The following LRP1B variants were observed in gnomAD, a reference collection of about 807,000 sequenced individuals.
The protein encoded by LRP1B is low-density lipoprotein receptor-related protein 1B.
A neutral mutation model predicts 556.6 loss-of-function variants in LRP1B; 217 were observed. The observed-to-expected ratio is 0.39, with a 90% CI of 0.35 to 0.44. The LOEUF is 0.44. Ranked by LOEUF, LRP1B falls within the 20% of genes least tolerant of loss-of-function variation. The probability of loss-of-function intolerance (pLI) is 1.00; values close to 1 mark genes in which losing one functional copy is unlikely to be tolerated. For missense variants in LRP1B, 5,053 were observed against 5,620.8 expected, an observed-to-expected ratio of 0.90 and a Z score of 3.23; for synonymous variants, 2,047 against 1,865.8, an observed-to-expected ratio of 1.10 and a Z score of -2.50.
intron 41 of LRP1B, among the ~76,000 whole-genome samples, chr2:140,642,885 A>G (rs1382600258): frequency 6.6e-6 from 1 of 152,116 alleles, no homozygotes; most frequent in African/African-American, 2.4e-5. Context: ...AAAATGGACT[A>G]AGAATATTTC....
At chr2:140,960,567 A>G (rs1696004726) in intron 18 of LRP1B, among the ~76,000 whole-genome samples, 1 of 151,886 alleles carries the variant, frequency 6.6e-6, no homozygotes, top group African/African-American at 2.4e-5. Context: ...CGTTAAAAAA[A>G]GAAGCATGCA....
chr2:141,059,882 C>T (rs1699289944), intron 8 of LRP1B, among the ~76,000 whole-genome samples: 1 of 151,738 alleles, frequency 6.6e-6, no homozygotes, highest in Non-Finnish European at 1.5e-5. Flanking sequence ...TTGCCTTTGG[C>T]TACTCATTTA....
At chr2:142,079,275 T>C (rs1421289239) in intron 1 of LRP1B, among the ~76,000 whole-genome samples, 3 of 152,104 alleles carry the variant, frequency 2.0e-5, no homozygotes, top group Non-Finnish European at 4.4e-5. Flanking sequence ...TAATTATTTG[T>C]TTGTGTGTTG....
rs753670299 is a variant in LRP1B at position 140,234,799 on chromosome 2, G to A, written c.13646C>T (p.Pro4549Leu). The A allele has an allele frequency of 1.3e-6, 1 of 774,830 alleles. No homozygotes were observed. Among genetic ancestry groups the A allele is most frequent in the Admixed American group, 1.7e-5 (1 of 58,566 alleles). 48.0% of individuals were successfully genotyped at this position (774,830 alleles called of 1,614,324 possible). The change falls in exon 90 of 91, where the codon CCA (proline) becomes CTA (leucine). Residue 4549 changes from proline to leucine, a missense_variant. Around this residue, in one of 5 missense-constraint regions of LRP1B, gnomAD observed 551 missense variants for 592.0 expected, o/e 0.93. Transcript: ENST00000389484. The stretch of plus-strand genomic sequence containing the variant: ...TTCTTCTCTCACCCCAGCAGTTAGT[G>A]GTCCTTTCAAATCAGAGTTTAGGTA... ...PIYLNSDLKG[P>L]LTAGPTNYSN... is the part of the protein sequence containing the mutation.
At chr2:142,064,428 A>G (rs1705028873) in intron 1 of LRP1B, among the ~76,000 whole-genome samples, 1 of 151,558 alleles carries the variant, frequency 6.6e-6, no homozygotes, top group South Asian at 2.1e-4. Context: ...ACCAGTTAGG[A>G]GAAAGGGTCA....
rs1707779503 is a variant in LRP1B, at chr2:142,129,622, CT to C, written c.82+1025del. 3.7e-5 allele frequency among the ~76,000 whole-genome samples: 4 copies of C among 107,338 alleles called. No individual in the cohort carries two copies. In the Admixed American group the frequency reaches 3.9e-4, roughly 11 times the overall value. The allele number at this position is 107,338 out of a possible 152,430, so 70.4% of individuals were successfully genotyped here. On this transcript the variant is annotated intron_variant, in intron 1 of 90. Coordinates refer to ENST00000389484, the MANE Select transcript of LRP1B (RefSeq NM_018557.3). ...TCTCTCTCTCTCTCTCTCTCTCTCT[CT>C]CTCTCTCTTATTTAAACTAAAAAGC...
intron 87 of LRP1B, among the ~76,000 whole-genome samples, chr2:140,242,777 T>C (rs1039826024): frequency 1.3e-5 from 2 of 151,078 alleles, no homozygotes; most frequent in African/African-American, 4.8e-5. Context: ...ACAGTTGGGC[T>C]GGAAGGAGAT....
At chr2:141,151,694 C>T (rs1701929810) in intron 7 of LRP1B, among the ~76,000 whole-genome samples, 1 of 152,070 alleles carries the variant, frequency 6.6e-6, no homozygotes, top group African/African-American at 2.4e-5. Flanking sequence ...CAGTCTCGAG[C>T]TAGTATTAGA....
At chr2:141,036,700 G>T in intron 11 of LRP1B, among the ~76,000 whole-genome samples, 1 of 152,146 alleles carries the variant, frequency 6.6e-6, no homozygotes. Flanking sequence ...GTCATAGCAA[G>T]CAATGCTAGT....
At chr2:140,595,087 A>AATATATATATAT (rs60138085) in intron 43 of LRP1B, among the ~76,000 whole-genome samples, 8 of 99,676 alleles carry the variant, frequency 8.0e-5, no homozygotes, top group Non-Finnish European at 1.1e-4. Flanking sequence ...ATATAAATTG[A>AATATATATATAT]ATATATATAT....
At chr2:141,576,385 T>A (rs1302214529) in intron 2 of LRP1B, among the ~76,000 whole-genome samples, 2 of 151,992 alleles carry the variant, frequency 1.3e-5, no homozygotes, top group East Asian at 3.9e-4. Flanking sequence ...CACTCATAAG[T>A]GGGTGTTGAA....
At position 140,676,223 on chromosome 2, in the gene LRP1B, C is replaced by T. The variant is rs139277947; in HGVS notation, c.6799+24027G>A. 3.9e-5 allele frequency among the ~76,000 whole-genome samples: 6 copies of T among 152,220 alleles called. No individual in the cohort carries two copies. The East Asian group carries it at 9.7e-4, about 25-fold the overall frequency. On this transcript the variant is annotated intron_variant, in intron 41 of 90. Coordinates refer to ENST00000389484, the MANE Select transcript of LRP1B (RefSeq NM_018557.3). ...TATGTCAGATAAAAGCGCAAGAGTA[C>T]AATTTGCTTCCTACAGCACGTAATT...
At chr2:141,425,994 C>G (rs1386458949) in intron 3 of LRP1B, among the ~76,000 whole-genome samples, 1 of 150,760 alleles carries the variant, frequency 6.6e-6, no homozygotes, top group Non-Finnish European at 1.5e-5. Context: ...AAGTCCTTGC[C>G]CATGCCTATG....
At chr2:140,536,228 A>C (rs561518405) in intron 46 of LRP1B, among the ~76,000 whole-genome samples, 16 of 144,408 alleles carry the variant, frequency 1.1e-4, no homozygotes, top group African/African-American at 4.2e-4. Flanking sequence ...TTATCCTAGC[A>C]CTCTGTGAGG....
intron 20 of LRP1B, among the ~76,000 whole-genome samples, chr2:140,949,626 T>G (rs1695645610): frequency 6.6e-6 from 1 of 151,916 alleles, no homozygotes; most frequent in African/African-American, 2.4e-5. Context: ...TGAAATAGTT[T>G]TAGGGTTTGG....
At chr2:141,230,189 G>T (rs997025991) in intron 5 of LRP1B, among the ~76,000 whole-genome samples, 2 of 152,116 alleles carry the variant, frequency 1.3e-5, no homozygotes, top group African/African-American at 4.8e-5. Context: ...TGTTGATAGA[G>T]TTTAGCTATA....
intron 1 of LRP1B, among the ~76,000 whole-genome samples, chr2:141,905,406 T>G (rs1279625040): frequency 1.3e-5 from 2 of 151,794 alleles, no homozygotes; most frequent in Non-Finnish European, 2.9e-5. Context: ...AGGGCTCAGT[T>G]GAGATCTGTG....
At chr2:141,278,397 C>A (rs1344113613) in intron 3 of LRP1B, among the ~76,000 whole-genome samples, 1 of 152,056 alleles carries the variant, frequency 6.6e-6, no homozygotes, top group Admixed American at 6.6e-5. Flanking sequence ...AGGTCAGCTG[C>A]AGAAGAAGGC....
chr2:141,900,253 G>T (rs1054578282), intron 1 of LRP1B, among the ~76,000 whole-genome samples: 1 of 151,930 alleles, frequency 6.6e-6, no homozygotes, highest in African/African-American at 2.4e-5. Context: ...TTGAAACAAA[G>T]GATATGATTA....
Sources: gnomAD v4.1 joint callset for allele counts (sites outside exome capture counted in the v4.1 genomes callset) on GRCh38, gnomAD v4.1.1 for gene constraint, gnomAD v4.1.1 regional missense constraint, MANE v1.5 for transcripts, NCBI Gene and HGNC (gene_info 2026-07-23, HGNC 2026-07-21) for gene names.